The following CYP4F2 variants were observed in gnomAD, a reference collection of about 807,000 sequenced individuals.
CYP4F2 encodes the protein cytochrome P450 4F2.
CYP4F2 carries 58 observed loss-of-function variants against 58.9 expected under a neutral mutation model. The observed-to-expected ratio is 0.98, with a 90% CI of 0.80 to 1.23. The LOEUF (loss-of-function observed/expected upper bound fraction) is 1.23. Among genes scored for constraint, CYP4F2 ranks in the 50% most tolerant of loss-of-function variants. The probability of loss-of-function intolerance (pLI) is 0.00; values close to 1 mark genes in which losing one functional copy is unlikely to be tolerated. For synonymous variants in CYP4F2, 287 were observed against 261.1 expected, an observed-to-expected ratio of 1.10 and a Z score of -0.95; for missense variants, 616 against 685.6, an observed-to-expected ratio of 0.90 and a Z score of 1.13.
intron 9 of CYP4F2, among the ~76,000 whole-genome samples, chr19:15,883,309 G>A (rs1184436093): frequency 1.3e-5 from 2 of 152,198 alleles, no homozygotes; most frequent in Middle Eastern, 3.4e-3. Context: ...TTTAAAAATG[G>A]TCAAAAGATC....
chr19:15,897,274 G>C, intron 2 of CYP4F2, 140 bp downstream of exon 2: 1 of 891,966 alleles, frequency 1.1e-6, no homozygotes, highest in Non-Finnish European at 1.7e-6. Flanking sequence ...TGAATAAGCA[G>C]AGGAATGAGT....
chr19:15,891,057 T>C (rs1318166632), intron 5 of CYP4F2, among the ~76,000 whole-genome samples: 2 of 152,208 alleles, frequency 1.3e-5, no homozygotes, highest in South Asian at 4.1e-4. Context: ...AGGTAGTCCT[T>C]CGTTGAGTCC....
At chr19:15,889,748 G>C in intron 6 of CYP4F2, 55 bp from the exon 7 acceptor site, 1 of 1,593,192 alleles carries the variant, frequency 6.3e-7, no homozygotes, top group Non-Finnish European at 8.6e-7. Context: ...GAAGCCCCAG[G>C]ATCACCTCCC....
chr19:15,897,589 C>T lies in CYP4F2; in HGVS notation c.23G>A (p.Trp8Ter), dbSNP rs757863282. The part of the protein sequence containing the change: MSQLSLS[W>*]LGLWPVAASP... ...TGCTGCCACTGGCCAGAGGCCCAGC[C>T]AGGACAGGCTCAGCTGGGACATCCT... Residue 8 changes from tryptophan (W) to a stop codon, truncating the protein, a stop_gained, in exon 2 of 13, where the codon TGG (tryptophan) becomes TAG (stop). Transcript: ENST00000221700. LOFTEE classifies it high-confidence loss of function. 6.8e-6 allele frequency: 11 copies of T among 1,613,654 alleles called. No homozygotes were observed. The East Asian group carries it at 1.1e-4, about 16-fold the overall frequency.
In CYP4F2 at chr19:15,889,483, G is replaced by A. The variant is rs564383704; in HGVS notation, c.858C>T (p.Phe286=). The change falls in exon 7 of 13, where the codon TTC becomes TTT. Residue 286 remains phenylalanine, a synonymous_variant. Transcript: ENST00000221700. ...RTLPSQGVDD[F]LQAKAKSKTL... is the part of the protein sequence containing the mutation. ...TCTTGGATTTGGCCTTGGCTTGGAG[G>A]AAGTCATCAACACCCTGGCTAGGGA... 32 of 1,614,180 alleles carry A rather than the reference G, an allele frequency of 2.0e-5. No homozygotes were observed. In the South Asian group the frequency reaches 3.4e-4, roughly 17 times the overall value.
intron 3 of CYP4F2, among the ~76,000 whole-genome samples, chr19:15,892,891 A>G (rs964115623): frequency 6.6e-6 from 1 of 152,164 alleles, no homozygotes; most frequent in African/African-American, 2.4e-5. Context: ...ACAGCTCAGC[A>G]TTCTACAGAA....
chr19:15,895,620 G>T lies in CYP4F2; in HGVS notation c.229C>A (p.Leu77Met). The T allele has an allele frequency of 6.3e-7, 1 of 1,597,656 alleles. No homozygotes were observed. Among genetic ancestry groups the T allele is most frequent in the East Asian group, 2.3e-5 (1 of 43,176 alleles). ...VNPTEEGMRVLTQLVATYPQG... is the reference protein window; with the variant it reads ...VNPTEEGMRVMTQLVATYPQG... ...GGGTAGGTGGCCACCAGCTGAGTCA[G>T]AACTCTCATGCCCTCCTCTGTGGGG... Residue 77 changes from leucine (L) to methionine (M), a missense_variant, in exon 3 of 13, where the codon CTG (leucine) becomes ATG (methionine). Coordinates refer to ENST00000221700, the MANE Select transcript of CYP4F2 (RefSeq NM_001082.5).
chr19:15,879,547 C>G lies in CYP4F2; in HGVS notation c.1314+57G>C, dbSNP rs2089329732. On this transcript the variant is annotated intron_variant, in intron 11 of 12. Transcript: ENST00000221700. ...ATGTTGGATACTCCTGATCAAAACCCTGCCCCCTCCTCTAGGAGCCTTGGA... is the reference window on the plus strand; with the variant it reads ...ATGTTGGATACTCCTGATCAAAACCGTGCCCCCTCCTCTAGGAGCCTTGGA... The G allele has an allele frequency of 9.9e-6, 16 of 1,611,090 alleles. No individual in the cohort carries two copies. In the South Asian group the frequency reaches 1.4e-4, roughly 14 times the overall value.
At chr19:15,879,561 A>G (rs1271975252) in intron 11 of CYP4F2, 43 bp downstream of exon 11, 1 of 1,612,466 alleles carries the variant, frequency 6.2e-7, no homozygotes, top group Admixed American at 1.7e-5. Flanking sequence ...CCCCTCCTCT[A>G]GGAGCCTTGG....
At chr19:15,881,595 A>ATAGG (rs1056201618) in intron 9 of CYP4F2, among the ~76,000 whole-genome samples, 2 of 100,872 alleles carry the variant, frequency 2.0e-5, no homozygotes, top group African/African-American at 6.3e-5. Flanking sequence ...AGATAGATAG[A>ATAGG]TAGATAGATA....
At chr19:15,893,798 G>A in intron 3 of CYP4F2, 1 of 245,336 alleles carries the variant, frequency 4.1e-6, no homozygotes, top group South Asian at 7.6e-5. Context: ...CTGCCTGCCA[G>A]GGCCCCACCC....
Position 15,882,184 on chromosome 19 carries a change from G to A in CYP4F2, c.1116-2287C>T, listed in dbSNP as rs183275787. 2.9e-3 allele frequency among the ~76,000 whole-genome samples: 444 copies of A among 151,968 alleles called. 3 individuals carry two copies. The highest frequency in any genetic ancestry group is 9.8e-3 in the African/African-American group (408 of 41,434). On this transcript the variant is annotated intron_variant, in intron 9 of 12. Transcript: ENST00000221700. ...CACTTGAACCTGGGAGGCAGAGGTC[G>A]CAGTAAGCTGAGATCGTGCCACTGC... is the stretch of plus-strand genomic sequence containing the variant.
At position 15,879,642 on chromosome 19, in the gene CYP4F2, C is replaced by A. The variant is rs751427624; in HGVS notation, c.1276G>T (p.Gly426Ter). The change falls in exon 11 of 13, where the codon GGA becomes TGA. Residue 426 changes from glycine to a stop codon, truncating the protein, a stop_gained. Transcript: ENST00000221700. LOFTEE classifies it high-confidence loss of function. ...KGIICLISVF[G>*]THHNPAVWPD... is the part of the protein sequence containing the mutation. ...CACACAGCTGGGTTGTGATGGGTTC[C>A]GAAAACACTGATGAGGCAGATAATG... is the stretch of plus-strand genomic sequence containing the variant. 1 of 1,614,082 alleles carries A rather than the reference C, an allele frequency of 6.2e-7. No individual in the cohort carries two copies. Among genetic ancestry groups the A allele is most frequent in the Non-Finnish European group, 8.5e-7 (1 of 1,180,004 alleles).
At position 15,889,520 on chromosome 19, in the gene CYP4F2, C is replaced by T. The variant is rs752183377; in HGVS notation, c.821G>A (p.Arg274Gln). 17 of 1,614,164 alleles carry T rather than the reference C, an allele frequency of 1.1e-5. No homozygotes were observed. Among genetic ancestry groups the T allele is most frequent in the South Asian group, 3.3e-5 (3 of 91,088 alleles). Reference protein sequence around the residue: ...HDFTDAVIQERRRTLPSQGVD... With the variant: ...HDFTDAVIQEQRRTLPSQGVD... ...ACCCTGGCTAGGGAGAGTGCGGCGCCGCTCCTGGATGACGGCATCTGTGAA... is the reference window on the plus strand; with the variant it reads ...ACCCTGGCTAGGGAGAGTGCGGCGCTGCTCCTGGATGACGGCATCTGTGAA... The change falls in exon 7 of 13, where the codon CGG becomes CAG. Residue 274 changes from arginine to glutamine, a missense_variant. Physicochemically the swap from Arg to Gln is conservative, Grantham distance 43. Transcript: ENST00000221700.
chr19:15,882,372 A>G (rs1323245396), intron 9 of CYP4F2, among the ~76,000 whole-genome samples: 1 of 152,198 alleles, frequency 6.6e-6, no homozygotes, highest in African/African-American at 2.4e-5. Context: ...AGCTTCAGTT[A>G]GACAAGAGGA....
At chr19:15,897,645 TG>T (rs1439176244) in intron 1 of CYP4F2, 33 bp from the exon 2 acceptor site, 15 of 1,610,210 alleles carry the variant, frequency 9.3e-6, no homozygotes, top group Non-Finnish European at 1.2e-5. Context: ...GGTGAGATCC[TG>T]AGGCCCAGAG....
intron 9 of CYP4F2, 98 bp downstream of exon 9, chr19:15,885,826 T>C: frequency 6.6e-7 from 1 of 1,516,548 alleles, no homozygotes; most frequent in East Asian, 2.4e-5. Flanking sequence ...TAGGCAATAG[T>C]GGCAGAATCA....
Position 15,892,434 on chromosome 19 carries a change from C to A in CYP4F2, c.400G>T (p.Asp134Tyr). The A allele has an allele frequency of 1.2e-6, 2 of 1,614,202 alleles. No individual in the cohort carries two copies. Among genetic ancestry groups the A allele is most frequent in the Non-Finnish European group, 8.5e-7 (1 of 1,180,030 alleles). The change falls in exon 5 of 13, where the codon GAT (aspartate) becomes TAT (tyrosine). Residue 134 changes from aspartate to tyrosine, a missense_variant and splice_region_variant. By Grantham distance (160) the Asp-to-Tyr change is radical. Transcript: ENST00000221700. ...TCACCAGCACTCAGCAGGAGCCCAT[C>A]CCCTAGCAGGGCAGCCAAGGGCCAT... ...FYSFLEPWLG[D>Y]GLLLSAGDKW...
intron 3 of CYP4F2, 89 bp from the exon 4 acceptor site, chr19:15,892,671 A>C: frequency 3.9e-6 from 6 of 1,548,748 alleles, no homozygotes; most frequent in Non-Finnish European, 3.5e-6. Context: ...AGAGGTTTGC[A>C]CTTCTCCCAC....
Sources: allele counts gnomAD v4.1 joint callset (sites outside exome capture counted in the v4.1 genomes callset), GRCh38; gene constraint gnomAD v4.1.1; transcripts MANE v1.5; gene names NCBI Gene and HGNC (gene_info 2026-07-23, HGNC 2026-07-21).